The following CCDC178 variants were observed in gnomAD, a reference collection of about 807,000 sequenced individuals.
CCDC178 encodes coiled-coil domain containing 178, also known as coiled-coil domain-containing protein 178.
CCDC178 carries 126 observed loss-of-function variants against 117.4 expected under a neutral mutation model. That is an observed-to-expected ratio of 1.07 (90% CI 0.93 to 1.24). The LOEUF (loss-of-function observed/expected upper bound fraction) is 1.24, where lower values mean the gene tolerates loss of function less well. CCDC178 is among the 50% of genes most tolerant of loss of function. CCDC178 has a pLI of 0.00. For synonymous variants in CCDC178, 283 were observed against 313.4 expected, an observed-to-expected ratio of 0.90 and a Z score of 1.02; for missense variants, 1,030 against 986.9, an observed-to-expected ratio of 1.04 and a Z score of -0.59.
At chr18:33,326,169 G>A (rs1352610754) in intron 10 of CCDC178, among the ~76,000 whole-genome samples, 1 of 152,126 alleles carries the variant, frequency 6.6e-6, no homozygotes, top group East Asian at 1.9e-4. Context: ...GAGCTATAGG[G>A]GACAGCTTAT....
chr18:33,028,672 T>C (rs542471979), intron 21 of CCDC178, among the ~76,000 whole-genome samples: 4 of 151,826 alleles, frequency 2.6e-5, no homozygotes, highest in South Asian at 2.1e-4. Flanking sequence ...TGTAGATGCC[T>C]TGTATCTATC....
intron 5 of CCDC178, among the ~76,000 whole-genome samples, chr18:33,379,223 A>G (rs1473836452): frequency 1.0e-5 from 1 of 96,464 alleles, no homozygotes; most frequent in African/African-American, 4.0e-5. Flanking sequence ...ATATATATAT[A>G]TATCTTTCCA....
At chr18:33,155,395 T>A (rs1341957914) in intron 20 of CCDC178, among the ~76,000 whole-genome samples, 1 of 152,136 alleles carries the variant, frequency 6.6e-6, no homozygotes, top group Non-Finnish European at 1.5e-5. Flanking sequence ...ATATTTGCTT[T>A]TATTAGGAGA....
intron 21 of CCDC178, among the ~76,000 whole-genome samples, chr18:32,984,008 T>C (rs1466989554): frequency 1.3e-5 from 2 of 152,034 alleles, no homozygotes; most frequent in Admixed American, 6.6e-5. Flanking sequence ...ATGTACAATA[T>C]ACAAATATCA....
intron 3 of CCDC178, among the ~76,000 whole-genome samples, chr18:33,398,606 G>A (rs2063670885): frequency 6.6e-6 from 1 of 152,114 alleles, no homozygotes; most frequent in Non-Finnish European, 1.5e-5. Flanking sequence ...TCGGCAAGTA[G>A]CAAAGAACCC....
chr18:33,099,701 C>T (rs558931998), intron 20 of CCDC178, among the ~76,000 whole-genome samples: 3 of 152,068 alleles, frequency 2.0e-5, no homozygotes, highest in Admixed American at 2.0e-4. Context: ...AATCTATACA[C>T]CAATTACTAC....
At chr18:33,423,158 A>C (rs2064054296) in intron 2 of CCDC178, among the ~76,000 whole-genome samples, 1 of 152,134 alleles carries the variant, frequency 6.6e-6, no homozygotes. Context: ...GTACCCTATA[A>C]CCCGGCCTAA....
At chr18:33,322,577 G>C (rs577245910) in intron 11 of CCDC178, among the ~76,000 whole-genome samples, 1 of 151,470 alleles carries the variant, frequency 6.6e-6, no homozygotes, top group African/African-American at 2.4e-5. Flanking sequence ...AAATTAATTA[G>C]AACTCAACAT....
intron 22 of CCDC178, among the ~76,000 whole-genome samples, chr18:32,964,034 A>C (rs1198519593): frequency 6.6e-6 from 1 of 152,084 alleles, no homozygotes; most frequent in East Asian, 1.9e-4. Flanking sequence ...ATATCAATCA[A>C]AATGGAATTG....
At chr18:33,193,188 G>A (rs1757136288) in intron 20 of CCDC178, among the ~76,000 whole-genome samples, 1 of 140,954 alleles carries the variant, frequency 7.1e-6, no homozygotes, top group South Asian at 2.3e-4. Flanking sequence ...GCGTGAACCC[G>A]GGAGGTGGAG....
chr18:33,440,504 T>C (rs1343879189), intron 1 of CCDC178, 149 bp downstream of exon 1: 1 of 152,070 alleles, frequency 6.6e-6, no homozygotes, highest in Non-Finnish European at 1.5e-5. Context: ...ACTAGTCGAC[T>C]CTAACTCCCT....
At chr18:33,254,233 A>T (rs1472081583) in intron 14 of CCDC178, among the ~76,000 whole-genome samples, 2 of 147,448 alleles carry the variant, frequency 1.4e-5, no homozygotes, top group African/African-American at 5.0e-5. Context: ...TATGTCATTT[A>T]TTCAACATCT....
At position 33,412,372 on chromosome 18, in the gene CCDC178, T is replaced by C. The variant is rs966958171; in HGVS notation, c.-22-262A>G. Among the ~76,000 whole-genome samples, 4 of 152,150 alleles carry C rather than the reference T, an allele frequency of 2.6e-5. 1 individual carries two copies. Among genetic ancestry groups the C allele is most frequent in the South Asian group, 4.1e-4 (2 of 4,832 alleles). On this transcript the variant is annotated intron_variant, in intron 2 of 22. Transcript: ENST00000383096. The stretch of plus-strand genomic sequence containing the variant: ...ACCAATACCTAGGCTGACTACGAGA[T>C]AATTTAGCATTGGCAATTGTAGCTA...
chr18:33,242,086 G>T (rs1020813409), intron 15 of CCDC178, among the ~76,000 whole-genome samples: 1 of 151,788 alleles, frequency 6.6e-6, no homozygotes, highest in East Asian at 1.9e-4. Flanking sequence ...CAGTTAAACA[G>T]AACAGAAAAT....
chr18:32,982,230 A>G (rs776931056), intron 21 of CCDC178, among the ~76,000 whole-genome samples: 7 of 152,128 alleles, frequency 4.6e-5, no homozygotes, highest in African/African-American at 7.2e-5. Flanking sequence ...GAACCCTGGA[A>G]AAAAAGAAAG....
rs372364601 is a variant in CCDC178, at chr18:33,252,073, G to A, written c.1410-6645C>T. Among the ~76,000 whole-genome samples, 12 of 151,844 alleles carry A rather than the reference G, an allele frequency of 7.9e-5. No individual in the cohort carries two copies. The East Asian group carries it at 2.1e-3, about 27-fold the overall frequency. ...GTGTCAAATATTTGTTAGAGTGAGGGTGCTAGTAGAGTAAGTTAGAAAAAG... is the reference window on the plus strand; with the variant it reads ...GTGTCAAATATTTGTTAGAGTGAGGATGCTAGTAGAGTAAGTTAGAAAAAG... On this transcript the variant is annotated intron_variant, in intron 14 of 22. Coordinates refer to ENST00000383096, the MANE Select transcript of CCDC178 (RefSeq NM_001105528.4).
chr18:33,226,825 G>A lies in CCDC178; in HGVS notation c.1624C>T (p.Gln542Ter). 4 of 1,600,946 alleles carry A rather than the reference G, an allele frequency of 2.5e-6. No individual in the cohort carries two copies. The highest frequency in any genetic ancestry group is 1.3e-5 in the African/African-American group (1 of 74,416). ...GREEFLKKLTQGEVAAGMVLQ... is the reference protein window; with the variant it reads ...GREEFLKKLT ...ACCATTCCAGCAGCCACTTCACCTT[G>A]AGTGAGTTTTTTCAGGAATTCTTCT... The change falls in exon 16 of 23, where the codon CAA becomes TAA. Residue 542 changes from glutamine to a stop codon, truncating the protein, a stop_gained. Transcript: ENST00000383096. LOFTEE classifies it high-confidence loss of function.
intron 21 of CCDC178, among the ~76,000 whole-genome samples, chr18:33,073,890 T>C (rs1382672914): frequency 6.6e-6 from 1 of 152,106 alleles, no homozygotes; most frequent in East Asian, 1.9e-4. Flanking sequence ...GGAAGGCTGC[T>C]CTAAGGAAGG....
intron 21 of CCDC178, among the ~76,000 whole-genome samples, chr18:33,091,065 A>G (rs1381693926): frequency 1.3e-5 from 2 of 152,168 alleles, no homozygotes; most frequent in East Asian, 1.9e-4. Flanking sequence ...ATAACTGCAC[A>G]TATAATTTAT....
Sources: allele counts gnomAD v4.1 joint callset (sites outside exome capture counted in the v4.1 genomes callset), GRCh38; gene constraint gnomAD v4.1.1; transcripts MANE v1.5; gene names NCBI Gene and HGNC (gene_info 2026-07-23, HGNC 2026-07-21).